The following TLK1 variants were observed in gnomAD, a reference collection of about 807,000 sequenced individuals.
TLK1 encodes serine/threonine-protein kinase tousled-like 1.
In TLK1, 24 loss-of-function variants were observed where a neutral mutation model predicts 105.3. That is an observed-to-expected ratio of 0.23 (90% confidence interval 0.17 to 0.32). The LOEUF is 0.32. Among genes scored for constraint, TLK1 ranks in the 10% least tolerant of loss-of-function variants. The probability of loss-of-function intolerance (pLI) is 1.00; values close to 1 mark genes in which losing one functional copy is unlikely to be tolerated. For missense variants in TLK1, 558 were observed against 910.5 expected (o/e 0.61, Z 4.98); for synonymous variants, 321 against 310.4 (o/e 1.03, Z -0.36).
At chr2:170,999,259 C>G (rs985530451) in intron 18 of TLK1, among the ~76,000 whole-genome samples, 4 of 152,110 alleles carry the variant, frequency 2.6e-5, no homozygotes, top group African/African-American at 7.2e-5. Context: ...ATTCACTATG[C>G]TAAAATCATT....
chr2:171,195,369 G>A (rs1045530880), intron 1 of TLK1, among the ~76,000 whole-genome samples: 9 of 151,620 alleles, frequency 5.9e-5, no homozygotes, highest in South Asian at 2.1e-4. Context: ...CGGGCATGGT[G>A]GTGGGCGCCT....
At chr2:171,074,627 A>C (rs1688416039) in intron 3 of TLK1, among the ~76,000 whole-genome samples, 1 of 49,568 alleles carries the variant, frequency 2.0e-5, no homozygotes, top group African/African-American at 9.1e-5. Flanking sequence ...ACTCTGCCTC[A>C]AAAAAAAAAA....
chr2:171,064,686 C>T (rs957064051), intron 3 of TLK1, among the ~76,000 whole-genome samples: 1 of 151,912 alleles, frequency 6.6e-6, no homozygotes, highest in African/African-American at 2.4e-5. Flanking sequence ...TTATAAAAGG[C>T]CAAAGAGCTC....
intron 3 of TLK1, among the ~76,000 whole-genome samples, chr2:171,082,386 T>C (rs1446125449): frequency 6.6e-6 from 1 of 151,942 alleles, no homozygotes; most frequent in Non-Finnish European, 1.5e-5. Flanking sequence ...GGAAAAAATG[T>C]GTATCTCAGA....
At chr2:171,030,996 G>C (rs1369191048) in intron 11 of TLK1, among the ~76,000 whole-genome samples, 2 of 139,414 alleles carry the variant, frequency 1.4e-5, no homozygotes, top group African/African-American at 5.3e-5. Context: ...TCAGGGCAGT[G>C]ATTCTTACCA....
chr2:171,082,676 G>A, intron 3 of TLK1, 105 bp downstream of exon 3: 3 of 910,770 alleles, frequency 3.3e-6, no homozygotes, highest in East Asian at 2.5e-5. Context: ...AACTTTAAAA[G>A]CATTAACCTT....
chr2:171,058,245 A>C (rs979890820), intron 4 of TLK1, 48 bp from the exon 5 acceptor site: 3 of 1,534,792 alleles, frequency 2.0e-6, no homozygotes, highest in African/African-American at 2.7e-5. Context: ...GATGGGCATC[A>C]AAAAAATATT....
chr2:171,118,451 T>C (rs1690522945), intron 1 of TLK1, among the ~76,000 whole-genome samples: 1 of 152,206 alleles, frequency 6.6e-6, no homozygotes, highest in Non-Finnish European at 1.5e-5. Flanking sequence ...TCACAATCCT[T>C]AAGATTTTTT....
At chr2:171,015,733 C>CACACACACACACA (rs1685169621) in intron 12 of TLK1, among the ~76,000 whole-genome samples, 395 of 8,148 alleles carry the variant, frequency 0.048, 2 homozygotes, top group African/African-American at 0.066. Flanking sequence ...ACACACACAC[C>CACACACACACACA]CACCCCTTTT....
intron 1 of TLK1, among the ~76,000 whole-genome samples, chr2:171,156,838 A>T (rs1692257422): frequency 6.6e-6 from 1 of 152,146 alleles, no homozygotes; most frequent in African/African-American, 2.4e-5. Flanking sequence ...CTATCATGCC[A>T]TCTTTTTTTT....
At chr2:171,095,418 C>A (rs972110665) in intron 2 of TLK1, among the ~76,000 whole-genome samples, 3 of 151,986 alleles carry the variant, frequency 2.0e-5, no homozygotes, top group Non-Finnish European at 4.4e-5. Context: ...TTACTACAAT[C>A]AGAAATGAAA....
intron 18 of TLK1, among the ~76,000 whole-genome samples, chr2:171,004,504 A>G (rs919803447): frequency 6.6e-6 from 1 of 152,230 alleles, no homozygotes; most frequent in Non-Finnish European, 1.5e-5. Flanking sequence ...CCATGTTCCT[A>G]TAGAACAATG....
At chr2:171,210,708 C>T (rs1359022110) in intron 1 of TLK1, among the ~76,000 whole-genome samples, 1 of 152,150 alleles carries the variant, frequency 6.6e-6, no homozygotes, top group African/African-American at 2.4e-5. Flanking sequence ...TTGCAACATC[C>T]TTATATCTGA....
At chr2:171,225,749 G>A (rs1488589333) in intron 1 of TLK1, among the ~76,000 whole-genome samples, 1 of 152,066 alleles carries the variant, frequency 6.6e-6, no homozygotes, top group Admixed American at 6.5e-5. Flanking sequence ...TCCATCAATC[G>A]TTGAGTGCAT....
At chr2:171,225,154 A>T (rs1272515258) in intron 1 of TLK1, among the ~76,000 whole-genome samples, 2 of 151,848 alleles carry the variant, frequency 1.3e-5, no homozygotes, top group Non-Finnish European at 2.9e-5. Flanking sequence ...ATCACAATTA[A>T]AAACTTTTCT....
chr2:171,183,601 G>T (rs1692967916), intron 1 of TLK1, among the ~76,000 whole-genome samples: 1 of 151,976 alleles, frequency 6.6e-6, no homozygotes, highest in South Asian at 2.1e-4. Flanking sequence ...TTGTCTTCTA[G>T]TCTGGTGCTT....
intron 1 of TLK1, among the ~76,000 whole-genome samples, chr2:171,202,276 A>C (rs1693419135): frequency 6.6e-6 from 1 of 151,948 alleles, no homozygotes; most frequent in Non-Finnish European, 1.5e-5. Context: ...AACATGGAGA[A>C]ACCCCATCTC....
chr2:171,210,768 C>A (rs1301028702), intron 1 of TLK1, among the ~76,000 whole-genome samples: 1 of 152,054 alleles, frequency 6.6e-6, no homozygotes, highest in East Asian at 1.9e-4. Context: ...GGAGAATTTG[C>A]CGGCTAATTA....
At chr2:171,211,966 CA>C in intron 1 of TLK1, among the ~76,000 whole-genome samples, 1 of 152,150 alleles carries the variant, frequency 6.6e-6, no homozygotes, top group East Asian at 1.9e-4. Context: ...CTGCCTCAGT[CA>C]CCCGAGTAGC....
Sources: gnomAD v4.1 joint callset for allele counts (sites outside exome capture counted in the v4.1 genomes callset) on GRCh38, gnomAD v4.1.1 for gene constraint, MANE v1.5 for transcripts, NCBI Gene and HGNC (gene_info 2026-07-23, HGNC 2026-07-21) for gene names.